The following ANKRD44 variants were observed in gnomAD, a reference collection of about 807,000 sequenced individuals.
ANKRD44 encodes the protein serine/threonine-protein phosphatase 6 regulatory ankyrin repeat subunit B.
A neutral mutation model predicts 116.0 loss-of-function variants in ANKRD44; 35 were observed. The observed-to-expected ratio is 0.30, with a 90% CI of 0.23 to 0.40. The LOEUF (loss-of-function observed/expected upper bound fraction) is 0.40, where lower values mean the gene tolerates loss of function less well. ANKRD44 is among the 10% of genes least tolerant of loss of function. The probability of loss-of-function intolerance (pLI) is 1.00; values close to 1 mark genes in which losing one functional copy is unlikely to be tolerated. For missense variants in ANKRD44, 1,014 were observed against 1,242.6 expected, an observed-to-expected ratio of 0.82 and a Z score of 2.77; for synonymous variants, 435 against 461.8, an observed-to-expected ratio of 0.94 and a Z score of 0.74.
At chr2:196,973,728 T>C (rs2075731427) in intron 21 of ANKRD44, among the ~76,000 whole-genome samples, 1 of 152,204 alleles carries the variant, frequency 6.6e-6, no homozygotes, top group Non-Finnish European at 1.5e-5. Flanking sequence ...ATACTCACTG[T>C]CTATTCTTAT....
chr2:197,087,000 A>C (rs552295423), intron 12 of ANKRD44, among the ~76,000 whole-genome samples: 123 of 152,344 alleles, frequency 8.1e-4, no homozygotes, highest in African/African-American at 2.9e-3. Flanking sequence ...TCCATGACTA[A>C]GAAATTTAAT....
chr2:197,026,778 G>A (rs1240910546), intron 16 of ANKRD44, among the ~76,000 whole-genome samples: 1 of 152,136 alleles, frequency 6.6e-6, no homozygotes, highest in Admixed American at 6.5e-5. Flanking sequence ...AATAGTCCAA[G>A]AGAAAAATAA....
At chr2:197,112,682 T>C (rs994100033) in intron 8 of ANKRD44, among the ~76,000 whole-genome samples, 1 of 131,078 alleles carries the variant, frequency 7.6e-6, no homozygotes, top group Non-Finnish European at 1.6e-5. Context: ...CACTCCAGCC[T>C]GGGCGACAGA....
chr2:197,208,808 A>AAAAAAT, intron 1 of ANKRD44, among the ~76,000 whole-genome samples: 1 of 152,046 alleles, frequency 6.6e-6, no homozygotes, highest in South Asian at 2.1e-4. Context: ...TCAAAAAAAT[A>AAAAAAT]AAAAATAAAA....
At chr2:197,259,462 G>A (rs116555782) in intron 1 of ANKRD44, among the ~76,000 whole-genome samples, 25 of 152,284 alleles carry the variant, frequency 1.6e-4, no homozygotes, top group South Asian at 1.0e-3. Flanking sequence ...AAATTCCCCC[G>A]ATCTAGGTTC....
At chr2:197,193,469 T>C (rs1031984843) in intron 1 of ANKRD44, among the ~76,000 whole-genome samples, 3 of 152,338 alleles carry the variant, frequency 2.0e-5, no homozygotes, top group Middle Eastern at 3.4e-3. Flanking sequence ...TTTTCCATAG[T>C]AGAAAGATTA....
rs575284717 is a variant in ANKRD44 at position 196,995,674 on chromosome 2, A to C, written c.2749-213T>G. 1.2e-4 allele frequency among the ~76,000 whole-genome samples: 18 copies of C among 152,322 alleles called. 1 individual carries two copies. The South Asian group carries it at 1.2e-3, about 11-fold the overall frequency. Reference sequence around the variant, plus strand: ...TAAGGTCTATTAGAACTTGGTTAACATAAGTCTGATCTAAAATATTAATAC... The same window carrying C: ...TAAGGTCTATTAGAACTTGGTTAACCTAAGTCTGATCTAAAATATTAATAC... On this transcript the variant is annotated intron_variant, in intron 25 of 27. Coordinates refer to ENST00000282272, the MANE Select transcript of ANKRD44 (RefSeq NM_001195144.2).
intron 16 of ANKRD44, chr2:197,029,586 T>C (rs2076664910): frequency 4.5e-6 from 2 of 448,094 alleles, no homozygotes; most frequent in South Asian, 3.2e-5. Flanking sequence ...TTCAAACTGT[T>C]CAGTTTTCTT....
At chr2:197,263,278 C>G (rs1218458645) in intron 1 of ANKRD44, 2 of 611,916 alleles carry the variant, frequency 3.3e-6, no homozygotes, top group African/African-American at 3.8e-5. Context: ...TTGTCCCTGG[C>G]CGCAGCTTGG....
intron 23 of ANKRD44, 23 bp from the exon 24 acceptor site, chr2:196,999,075 A>C (rs767247785): frequency 1.2e-6 from 2 of 1,611,722 alleles, no homozygotes; most frequent in South Asian, 2.2e-5. Context: ...AACAAGTATC[A>C]CTTTAGTTTC....
chr2:197,054,960 T>A (rs1014253302), intron 16 of ANKRD44, among the ~76,000 whole-genome samples: 1 of 152,214 alleles, frequency 6.6e-6, no homozygotes, highest in Admixed American at 6.5e-5. Flanking sequence ...TACACTGGCC[T>A]GTAGCTGCTC....
intron 1 of ANKRD44, among the ~76,000 whole-genome samples, chr2:197,199,900 A>G (rs1025578928): frequency 3.3e-5 from 5 of 152,140 alleles, no homozygotes; most frequent in African/African-American, 9.7e-5. Context: ...TCCCCTTCGA[A>G]TGGGCATTTG....
intron 2 of ANKRD44, among the ~76,000 whole-genome samples, chr2:197,153,865 GGA>G (rs946435581): frequency 1.3e-4 from 20 of 151,940 alleles, no homozygotes; most frequent in African/African-American, 4.1e-4. Context: ...GGTGGGGAAG[GGA>G]GAGAGAGAGA....
chr2:197,036,154 T>C (rs995831308), intron 16 of ANKRD44, among the ~76,000 whole-genome samples: 1 of 152,204 alleles, frequency 6.6e-6, no homozygotes, highest in African/African-American at 2.4e-5. Context: ...TTTGTATGAA[T>C]GTATGTATGA....
At chr2:197,136,414 A>G (rs1288128733) in intron 4 of ANKRD44, 178 bp downstream of exon 4, 3 of 630,964 alleles carry the variant, frequency 4.8e-6, no homozygotes, top group East Asian at 2.7e-5. Context: ...CCCCAGCCCC[A>G]CTCAGCACTA....
rs1559122763 is a variant in ANKRD44, at chr2:197,171,996, C to CTTTTTTTTTTTTTTTTTTT, written c.111+15026_111+15027insAAAAAAAAAAAAAAAAAAA. Among the ~76,000 whole-genome samples the CTTTTTTTTTTTTTTTTTTT allele has an allele frequency of 6.8e-5, 2 of 29,318 alleles. 1 individual carries two copies. 19.2% of individuals were successfully genotyped at this position (29,318 alleles called of 152,430 possible). A position where few individuals can be genotyped will look rare whatever the true frequency, so the allele number is the denominator to read the frequency against. On this transcript the variant is annotated intron_variant, in intron 2 of 27. Transcript: ENST00000282272. Reference sequence around the variant, plus strand: ...TATTATTACCATGTCCGTTATTTTTCTTCTTTTTTTTTTTTTTTTTTGAGA... The same window carrying CTTTTTTTTTTTTTTTTTTT: ...TATTATTACCATGTCCGTTATTTTTCTTTTTTTTTTTTTTTTTTTTTCTTTTTTTTTTTTTTTTTTGAGA...
intron 1 of ANKRD44, among the ~76,000 whole-genome samples, chr2:197,272,088 A>G (rs575001691): frequency 3.3e-5 from 5 of 152,280 alleles, no homozygotes; most frequent in African/African-American, 1.2e-4. Flanking sequence ...ATCATGTGAG[A>G]TCGAGATCAC....
At chr2:197,294,751 CTG>C (rs2083670553) in intron 1 of ANKRD44, among the ~76,000 whole-genome samples, 1 of 152,170 alleles carries the variant, frequency 6.6e-6, no homozygotes, top group African/African-American at 2.4e-5. Flanking sequence ...GACCTTTAAA[CTG>C]TGTTTGCTTA....
chr2:197,205,321 A>T (rs116172448), intron 1 of ANKRD44, among the ~76,000 whole-genome samples: 1 of 152,208 alleles, frequency 6.6e-6, no homozygotes, highest in Admixed American at 6.5e-5. Context: ...GGTTTTACCC[A>T]CCTGGCCAGT....
Sources: gnomAD v4.1 joint callset for allele counts (sites outside exome capture counted in the v4.1 genomes callset) on GRCh38, gnomAD v4.1.1 for gene constraint, MANE v1.5 for transcripts, NCBI Gene and HGNC (gene_info 2026-07-23, HGNC 2026-07-21) for gene names.